Variants in MAP4K4 observed in about 807,000 individuals in gnomAD.
MAP4K4 encodes the protein mitogen-activated protein kinase kinase kinase kinase 4.
In MAP4K4, 38 loss-of-function variants were observed where a neutral mutation model predicts 189.6. That is an observed-to-expected ratio of 0.20 (90% CI 0.15 to 0.26). MAP4K4 has a LOEUF of 0.26. Ranked by LOEUF, MAP4K4 falls within the 10% of genes least tolerant of loss-of-function variation. The pLI is 1.00. For synonymous variants in MAP4K4, 610 were observed against 624.3 expected, an observed-to-expected ratio of 0.98 and a Z score of 0.34; for missense variants, 1,054 against 1,726.9, an observed-to-expected ratio of 0.61 and a Z score of 6.91.
At chr2:101,835,068 C>T (rs1433116844) in intron 8 of MAP4K4, among the ~76,000 whole-genome samples, 1 of 152,194 alleles carries the variant, frequency 6.6e-6, no homozygotes, top group Admixed American at 6.5e-5. Context: ...CACATAGTTG[C>T]TGCTGAATAA....
At chr2:101,774,186 A>G (rs1273267189) in intron 2 of MAP4K4, among the ~76,000 whole-genome samples, 1 of 152,194 alleles carries the variant, frequency 6.6e-6, no homozygotes, top group Non-Finnish European at 1.5e-5. Flanking sequence ...CCAACAGTGT[A>G]TGGTTCCCTT....
At chr2:101,729,101 AGTGTGTGTGTGTGTGTGT>A (rs57635166) in intron 2 of MAP4K4, among the ~76,000 whole-genome samples, 1 of 130,504 alleles carries the variant, frequency 7.7e-6, no homozygotes, top group Non-Finnish European at 1.6e-5. Flanking sequence ...AGAGAGAGAG[AGTGTGTGTGTGTGTGTGT>A]GTGTGTGTGT....
intron 2 of MAP4K4, among the ~76,000 whole-genome samples, chr2:101,711,195 G>A (rs905257879): frequency 3.3e-5 from 5 of 152,180 alleles, no homozygotes; most frequent in African/African-American, 1.2e-4. Context: ...GGGCTGAAAG[G>A]GACCTCTGTA....
At chr2:101,739,776 C>T (rs2061833264) in intron 2 of MAP4K4, among the ~76,000 whole-genome samples, 1 of 152,178 alleles carries the variant, frequency 6.6e-6, no homozygotes, top group African/African-American at 2.4e-5. Context: ...CCTCTTTGTT[C>T]AGCCAACATT....
chr2:101,714,534 A>G (rs1360347779), intron 2 of MAP4K4, among the ~76,000 whole-genome samples: 1 of 152,220 alleles, frequency 6.6e-6, no homozygotes, highest in African/African-American at 2.4e-5. Context: ...TAATAATTTT[A>G]CTTTCTCCAA....
At chr2:101,856,006 G>A in exon 13 of MAP4K4, 1 of 1,551,148 alleles carries the variant, frequency 6.4e-7, no homozygotes, top group Non-Finnish European at 8.7e-7. Flanking sequence ...AAGCTAGAAG[G>A]CAGCAGGAAC....
chr2:101,894,267 C>T (rs1559378597), exon 33 of MAP4K4: 2 of 152,740 alleles, frequency 1.3e-5, no homozygotes, highest in Admixed American at 6.5e-5. Context: ...TAGGTTTAGT[C>T]AGAGCTTTCA....
chr2:101,738,156 C>T (rs1404833451), intron 2 of MAP4K4, among the ~76,000 whole-genome samples: 2 of 152,000 alleles, frequency 1.3e-5, no homozygotes, highest in African/African-American at 4.8e-5. Context: ...AAGAGAAAGC[C>T]CCTTGTACTT....
chr2:101,707,801 C>G (rs1236121853), intron 2 of MAP4K4, among the ~76,000 whole-genome samples: 1 of 151,780 alleles, frequency 6.6e-6, no homozygotes, highest in East Asian at 1.9e-4. Flanking sequence ...CGCCATTCTC[C>G]TGCCTCAGCT....
At chr2:101,734,371 A>G (rs1325795857) in intron 2 of MAP4K4, among the ~76,000 whole-genome samples, 2 of 152,240 alleles carry the variant, frequency 1.3e-5, no homozygotes, top group Admixed American at 6.5e-5. Flanking sequence ...AGTCTCACAG[A>G]TAAATCCAAG....
intron 16 of MAP4K4, chr2:101,862,037 C>T (rs1311808054): frequency 6.6e-6 from 1 of 151,692 alleles, no homozygotes; most frequent in Non-Finnish European, 1.5e-5. Flanking sequence ...GAGTTCGAGA[C>T]CAGCCTGGCC....
intron 13 of MAP4K4, among the ~76,000 whole-genome samples, chr2:101,857,371 C>T (rs916201222): frequency 4.0e-5 from 6 of 149,890 alleles, no homozygotes; most frequent in Non-Finnish European, 8.9e-5. Context: ...TGTGTAGATG[C>T]GTGTTGTGTA....
At chr2:101,715,938 G>A (rs564410314) in intron 2 of MAP4K4, among the ~76,000 whole-genome samples, 4 of 152,108 alleles carry the variant, frequency 2.6e-5, no homozygotes, top group Non-Finnish European at 5.9e-5. Context: ...AAAGGAGCAT[G>A]AACCCCATTG....
chr2:101,829,682 T>C lies in MAP4K4; in HGVS notation c.508+88T>C, dbSNP rs143485646. The stretch of plus-strand genomic sequence containing the variant: ...AGTTCTGCTTCCATCTAGCTAAAAG[T>C]TCAGTCTTACCCATGTTTTCTATTT... On this transcript the variant is annotated intron_variant, in intron 6 of 32. Coordinates refer to ENST00000324219, the Ensembl canonical transcript of MAP4K4. 3,371 of 870,278 alleles carry C rather than the reference T, an allele frequency of 3.9e-3. 13 individuals carry two copies. The highest frequency in any genetic ancestry group is 5.1e-3 in the Non-Finnish European group (2,692 of 530,814). 53.9% of individuals were successfully genotyped at this position (870,278 alleles called of 1,614,324 possible). A position where few individuals can be genotyped will look rare whatever the true frequency, so the allele number is the denominator to read the frequency against.
chr2:101,854,306 G>T (rs1258791329), intron 12 of MAP4K4, among the ~76,000 whole-genome samples: 1 of 152,134 alleles, frequency 6.6e-6, no homozygotes, highest in Non-Finnish European at 1.5e-5. Context: ...AATAAAGATG[G>T]CATAGCCATT....
Position 101,825,222 on chromosome 2 carries a change from T to C in MAP4K4, c.307-97T>C, listed in dbSNP as rs2096292487. Reference sequence around the variant, plus strand: ...TATGAATTATTGAGGAGCATCACGTTTCTAGGTCTTTAGAAAAGAGAGGGC... The same window carrying C: ...TATGAATTATTGAGGAGCATCACGTCTCTAGGTCTTTAGAAAAGAGAGGGC... On this transcript the variant is annotated intron_variant, in intron 4 of 32. Transcript: ENST00000324219. 3 of 659,618 alleles carry C rather than the reference T, an allele frequency of 4.5e-6. No individual in the cohort carries two copies. The East Asian group carries it at 8.6e-5, about 19-fold the overall frequency. The allele number at this position is 659,618 out of a possible 1,614,324, so 40.9% of individuals were successfully genotyped here. A position where few individuals can be genotyped will look rare whatever the true frequency, so the allele number is the denominator to read the frequency against.
chr2:101,803,700 T>C (rs1451438301), intron 3 of MAP4K4, among the ~76,000 whole-genome samples: 4 of 152,230 alleles, frequency 2.6e-5, no homozygotes, highest in Non-Finnish European at 5.9e-5. Flanking sequence ...TGTGAAAATC[T>C]ATAGTAGCAA....
chr2:101,729,713 C>A (rs1402140815), intron 2 of MAP4K4, among the ~76,000 whole-genome samples: 1 of 152,124 alleles, frequency 6.6e-6, no homozygotes, highest in Non-Finnish European at 1.5e-5. Context: ...CCAGGTAGCT[C>A]CTCTTGCCCA....
chr2:101,815,946 G>A (rs1255473537), intron 3 of MAP4K4, among the ~76,000 whole-genome samples: 2 of 152,146 alleles, frequency 1.3e-5, no homozygotes, highest in African/African-American at 4.8e-5. Context: ...AGTCTTCTAG[G>A]GGGAATTGCT....
Sources: gnomAD v4.1 joint callset for allele counts (sites outside exome capture counted in the v4.1 genomes callset) on GRCh38, gnomAD v4.1.1 for gene constraint, MANE v1.5 for transcripts, NCBI Gene and HGNC (gene_info 2026-07-23, HGNC 2026-07-21) for gene names.